CADPS2: variants seen among roughly 807,000 people sequenced by gnomAD.
The protein encoded by CADPS2 is calcium-dependent secretion activator 2.
A neutral mutation model predicts 172.5 loss-of-function variants in CADPS2; 93 were observed. That is an observed-to-expected ratio of 0.54 (90% CI 0.46 to 0.64). The LOEUF (loss-of-function observed/expected upper bound fraction) is 0.64, where lower values mean the gene tolerates loss of function less well. Among genes scored for constraint, CADPS2 ranks in the 30% least tolerant of loss-of-function variants. The pLI is 0.00. For missense variants in CADPS2, 1,420 were observed against 1,565.9 expected (o/e 0.91, Z 1.57); for synonymous variants, 546 against 555.2 (o/e 0.98, Z 0.23).
chr7:122,352,917 C>T (rs1228314941), intron 27 of CADPS2, among the ~76,000 whole-genome samples: 1 of 152,190 alleles, frequency 6.6e-6, no homozygotes, highest in Non-Finnish European at 1.5e-5. Flanking sequence ...TAACTGGTCA[C>T]GTTCTTAAGT....
At chr7:122,657,416 C>A (rs1475745675) in intron 3 of CADPS2, among the ~76,000 whole-genome samples, 1 of 152,092 alleles carries the variant, frequency 6.6e-6, no homozygotes, top group Non-Finnish European at 1.5e-5. Context: ...GCCATTTTCA[C>A]GATATTGATT....
At chr7:122,739,860 G>A (rs1366374334) in intron 1 of CADPS2, among the ~76,000 whole-genome samples, 1 of 152,074 alleles carries the variant, frequency 6.6e-6, no homozygotes, top group Non-Finnish European at 1.5e-5. Context: ...AGATAGACCA[G>A]TGGAACAGAT....
chr7:122,379,619 G>T, intron 24 of CADPS2, 177 bp from the exon 25 acceptor site: 1 of 547,926 alleles, frequency 1.8e-6, no homozygotes, highest in East Asian at 3.2e-5. Flanking sequence ...TTTTTACATT[G>T]TGGTTTGAAA....
chr7:122,875,304 T>G (rs1179521642), intron 1 of CADPS2, among the ~76,000 whole-genome samples: 1 of 152,192 alleles, frequency 6.6e-6, no homozygotes, highest in Non-Finnish European at 1.5e-5. Context: ...TTGTCCCATA[T>G]ACACAGTAAG....
At chr7:122,580,103 GT>G (rs2068602824) in intron 7 of CADPS2, among the ~76,000 whole-genome samples, 1 of 152,034 alleles carries the variant, frequency 6.6e-6, no homozygotes, top group African/African-American at 2.4e-5. Context: ...ATTTCTGAAG[GT>G]TTTATTTGCT....
intron 17 of CADPS2, among the ~76,000 whole-genome samples, chr7:122,433,341 T>C (rs939506770): frequency 6.6e-6 from 1 of 152,120 alleles, no homozygotes; most frequent in Non-Finnish European, 1.5e-5. Flanking sequence ...CATTCTTAAA[T>C]TTAGTTTTCC....
At chr7:122,813,127 A>AG (rs1159779573) in intron 1 of CADPS2, among the ~76,000 whole-genome samples, 1 of 151,802 alleles carries the variant, frequency 6.6e-6, no homozygotes, top group Non-Finnish European at 1.5e-5. Flanking sequence ...CGGAAAAAAA[A>AG]GTTTTTAAAA....
chr7:122,474,016 C>G (rs1376538036), intron 13 of CADPS2, among the ~76,000 whole-genome samples: 1 of 152,150 alleles, frequency 6.6e-6, no homozygotes, highest in Non-Finnish European at 1.5e-5. Context: ...GGGAACAGAA[C>G]TTCAACCTTA....
At chr7:122,482,175 A>G (rs1351835202) in intron 11 of CADPS2, among the ~76,000 whole-genome samples, 1 of 152,184 alleles carries the variant, frequency 6.6e-6, no homozygotes, top group Admixed American at 6.5e-5. Context: ...TTAAGAAAAA[A>G]TATGGGAACA....
intron 24 of CADPS2, among the ~76,000 whole-genome samples, chr7:122,384,700 G>A (rs2151410493): frequency 6.6e-6 from 1 of 152,118 alleles, no homozygotes; most frequent in Non-Finnish European, 1.5e-5. Flanking sequence ...GAAAGTTGTG[G>A]GGAACTAATT....
rs892080809 is a variant in CADPS2, at chr7:122,660,496, T to C, written c.786+2741A>G. Among the ~76,000 whole-genome samples the C allele has an allele frequency of 3.9e-5, 6 of 151,972 alleles. No individual in the cohort carries two copies. In the South Asian group the frequency reaches 1.0e-3, roughly 26 times the overall value. On this transcript the variant is annotated intron_variant, in intron 3 of 29. Transcript: ENST00000449022. ...GAGGGCAAAGAACAAATGCATCAAG[T>C]GGTAAAAGCTACAAAGATTTTAAAA... is the stretch of plus-strand genomic sequence containing the variant.
At chr7:122,864,605 T>C (rs1327207076) in intron 1 of CADPS2, among the ~76,000 whole-genome samples, 1 of 152,026 alleles carries the variant, frequency 6.6e-6, no homozygotes, top group Non-Finnish European at 1.5e-5. Flanking sequence ...ATAAGGAAAA[T>C]GACCGTCAAG....
At chr7:122,631,158 G>C (rs1298889839) in intron 3 of CADPS2, among the ~76,000 whole-genome samples, 1 of 152,024 alleles carries the variant, frequency 6.6e-6, no homozygotes, top group African/African-American at 2.4e-5. Flanking sequence ...TGCACTAAAT[G>C]TAATATGAAA....
chr7:122,411,406 G>A (rs983063732), intron 19 of CADPS2, among the ~76,000 whole-genome samples: 1 of 151,866 alleles, frequency 6.6e-6, no homozygotes, highest in Admixed American at 6.6e-5. Context: ...TTTTAGTAGA[G>A]ATGGGGTTTC....
At chr7:122,541,657 TTATA>T (rs2062987807) in intron 8 of CADPS2, among the ~76,000 whole-genome samples, 1 of 146,222 alleles carries the variant, frequency 6.8e-6, no homozygotes, top group Non-Finnish European at 1.5e-5. Flanking sequence ...ATTCATATCT[TTATA>T]TATTCATATA....
At chr7:122,815,687 A>G (rs1023735295) in intron 1 of CADPS2, among the ~76,000 whole-genome samples, 2 of 152,330 alleles carry the variant, frequency 1.3e-5, no homozygotes, top group South Asian at 4.1e-4. Context: ...ATAAATCCAT[A>G]TAAATTTCTA....
chr7:122,666,071 A>T (rs1011489473), intron 2 of CADPS2, among the ~76,000 whole-genome samples: 1 of 152,222 alleles, frequency 6.6e-6, no homozygotes, highest in Non-Finnish European at 1.5e-5. Context: ...GACATTTAAC[A>T]TACATAAATT....
chr7:122,814,540 A>G (rs1319040708), intron 1 of CADPS2, among the ~76,000 whole-genome samples: 1 of 152,134 alleles, frequency 6.6e-6, no homozygotes, highest in Non-Finnish European at 1.5e-5. Context: ...TGTCAAAATT[A>G]TAAGAAATTA....
intron 24 of CADPS2, among the ~76,000 whole-genome samples, chr7:122,382,564 C>T (rs1042302151): frequency 3.9e-5 from 6 of 152,108 alleles, no homozygotes; most frequent in Non-Finnish European, 8.8e-5. Context: ...TCTGCATAGA[C>T]ATTTTTAAGT....
Sources: allele counts gnomAD v4.1 joint callset (sites outside exome capture counted in the v4.1 genomes callset), GRCh38; gene constraint gnomAD v4.1.1; transcripts MANE v1.5; gene names NCBI Gene and HGNC (gene_info 2026-07-23, HGNC 2026-07-21).